The following UPRT variants were observed in gnomAD, a reference collection of about 807,000 sequenced individuals.
UPRT encodes the protein uracil phosphoribosyltransferase homolog.
UPRT carries 5 observed loss-of-function variants against 22.6 expected under a neutral mutation model. The observed-to-expected ratio is 0.22, with a 90% confidence interval of 0.12 to 0.47. The LOEUF is 0.47. UPRT is among the 20% of genes least tolerant of loss of function. UPRT has a pLI of 0.99. For synonymous variants in UPRT, 77 were observed against 87.7 expected (o/e 0.88, Z 0.68); for missense variants, 181 against 239.9 (o/e 0.75, Z 1.62).
At chrX:75,185,060 G>T (rs1398579226) in intron 4 of UPRT, among the ~76,000 whole-genome samples, 1 of 111,276 alleles carries the variant, frequency 9.0e-6, no homozygotes, top group Non-Finnish European at 1.9e-5. Flanking sequence ...ACACTATATT[G>T]AATAGGAGTG....
At chrX:75,245,408 A>C (rs1279551682) in intron 4 of UPRT, among the ~76,000 whole-genome samples, 1 of 111,865 alleles carries the variant, frequency 8.9e-6, no homozygotes. Context: ...GTCAAAGAAC[A>C]ATTACCATTT....
intron 4 of UPRT, among the ~76,000 whole-genome samples, chrX:75,208,865 T>C (rs2082373194): frequency 9.0e-6 from 1 of 111,530 alleles, no homozygotes; most frequent in Non-Finnish European, 1.9e-5. Flanking sequence ...TTAGAAACAT[T>C]CCAAACTTCA....
chrX:75,279,448 G>A (rs1312193022), intron 1 of UPRT, among the ~76,000 whole-genome samples: 1 of 111,414 alleles, frequency 9.0e-6, no homozygotes, highest in Non-Finnish European at 1.9e-5. Context: ...CATTTACTGG[G>A]CATATCCTGG....
chrX:75,260,743 C>A (rs762866618), intron 4 of UPRT, among the ~76,000 whole-genome samples: 1 of 111,629 alleles, frequency 9.0e-6, no homozygotes, highest in African/African-American at 3.3e-5. Context: ...CAGCTCTTCA[C>A]CAAGAAGACC....
intron 4 of UPRT, among the ~76,000 whole-genome samples, chrX:75,253,255 G>A (rs1323357802): frequency 8.9e-6 from 1 of 111,922 alleles, no homozygotes; most frequent in Middle Eastern, 4.6e-3. Flanking sequence ...CAGAGGACAT[G>A]AACAGACACT....
chrX:75,226,110 T>A (rs1358406728), intron 4 of UPRT, among the ~76,000 whole-genome samples: 1 of 111,441 alleles, frequency 9.0e-6, no homozygotes, highest in Non-Finnish European at 1.9e-5. Context: ...GAAACCTTGG[T>A]ATTATTCTTG....
chrX:75,246,269 G>A (rs933657097), intron 4 of UPRT, among the ~76,000 whole-genome samples: 7 of 65,507 alleles, frequency 1.1e-4, no homozygotes, highest in East Asian at 5.0e-4. Context: ...CCCACCCCAC[G>A]ACAGGCCTCG....
chrX:75,157,486 A>C (rs1166258680), intron 1 of UPRT, among the ~76,000 whole-genome samples: 1 of 112,157 alleles, frequency 8.9e-6, no homozygotes, highest in Non-Finnish European at 1.9e-5. Flanking sequence ...CAGGTTCAGG[A>C]GTCTATGGAG....
At position 75,296,557 on chromosome X, in the gene UPRT, C is replaced by T. The variant is rs187898866; in HGVS notation, c.499+146C>T. 6.6e-4 allele frequency: 330 copies of T among 498,338 alleles called. 1 individual carries two copies. The South Asian group carries it at 9.3e-3, about 14-fold the overall frequency. 41.1% of individuals were successfully genotyped at this position (498,338 alleles called of 1,213,427 possible). On this transcript the variant is annotated intron_variant, in intron 3 of 6. Transcript: ENST00000373383. The stretch of plus-strand genomic sequence containing the variant: ...TTCTTTTAAAATCTTAAAAATAAAA[C>T]TCAGGCATTTAGGAAAGAAATCTGT...
chrX:75,183,989 T>A (rs1346480968), intron 4 of UPRT, among the ~76,000 whole-genome samples: 16 of 112,269 alleles, frequency 1.4e-4, no homozygotes, highest in African/African-American at 5.2e-4. Flanking sequence ...TTCACTCTGA[T>A]GGTAGTTTCT....
chrX:75,179,500 G>A (rs914759208), intron 4 of UPRT, among the ~76,000 whole-genome samples: 13 of 113,415 alleles, frequency 1.1e-4, no homozygotes, highest in African/African-American at 1.6e-4. Context: ...TGCCAGTCTC[G>A]CGCCATGCGC....
intron 4 of UPRT, among the ~76,000 whole-genome samples, chrX:75,259,940 G>C (rs1299551208): frequency 2.7e-5 from 3 of 111,804 alleles, no homozygotes. Context: ...GAAGAGAGTG[G>C]GGGCCAATAT....
At chrX:75,242,283 C>T (rs2082490807) in intron 4 of UPRT, among the ~76,000 whole-genome samples, 1 of 110,835 alleles carries the variant, frequency 9.0e-6, no homozygotes, top group African/African-American at 3.3e-5. Flanking sequence ...AGTGCAGTGG[C>T]TTGAGCATCA....
At chrX:75,235,758 T>C (rs1261643612) in intron 4 of UPRT, among the ~76,000 whole-genome samples, 1 of 111,930 alleles carries the variant, frequency 8.9e-6, no homozygotes, top group African/African-American at 3.3e-5. Context: ...CGCTTCATCC[T>C]AAAAACTCTC....
chrX:75,256,229 A>G (rs1305310870), intron 4 of UPRT, among the ~76,000 whole-genome samples: 1 of 112,086 alleles, frequency 8.9e-6, no homozygotes, highest in East Asian at 2.8e-4. Context: ...AACTATGCAA[A>G]TACATGAAAA....
intron 4 of UPRT, among the ~76,000 whole-genome samples, chrX:75,188,940 C>T (rs762794659): frequency 2.7e-5 from 3 of 112,033 alleles, no homozygotes; most frequent in East Asian, 5.7e-4. Flanking sequence ...GAGATGAACC[C>T]GGTACTTCAG....
chrX:75,197,838 AC>A (rs2082337189), intron 4 of UPRT, among the ~76,000 whole-genome samples: 1 of 112,543 alleles, frequency 8.9e-6, no homozygotes, highest in African/African-American at 3.2e-5. Flanking sequence ...AATACCAAGT[AC>A]TGGAAAGGAG....
At chrX:75,251,779 G>A (rs1419734290) in intron 4 of UPRT, among the ~76,000 whole-genome samples, 1 of 111,397 alleles carries the variant, frequency 9.0e-6, no homozygotes, top group Non-Finnish European at 1.9e-5. Context: ...AAAGAACCAA[G>A]CTGGAGGCAT....
At chrX:75,263,556 G>A (rs1434512794) in intron 4 of UPRT, among the ~76,000 whole-genome samples, 2 of 111,110 alleles carry the variant, frequency 1.8e-5, no homozygotes, top group Admixed American at 9.6e-5. Flanking sequence ...CTGTGGGATC[G>A]GTGGTGATAT....
Sources: allele counts gnomAD v4.1 joint callset (sites outside exome capture counted in the v4.1 genomes callset), GRCh38; gene constraint gnomAD v4.1.1; transcripts MANE v1.5; gene names NCBI Gene and HGNC (gene_info 2026-07-23, HGNC 2026-07-21).